Variants in LYPLAL1 observed in about 807,000 individuals in gnomAD.
The protein encoded by LYPLAL1 is lysophospholipase like 1.
In LYPLAL1, 23 loss-of-function variants were observed where a neutral mutation model predicts 19.7. That is an observed-to-expected ratio of 1.17 (90% confidence interval 0.84 to 1.65). The LOEUF is 1.65. Ranked by LOEUF, LYPLAL1 falls within the 40% of genes most tolerant of loss-of-function variation. The probability of loss-of-function intolerance (pLI) is 0.00; values close to 1 mark genes in which losing one functional copy is unlikely to be tolerated. For missense variants in LYPLAL1, 355 were observed against 279.4 expected (o/e 1.27, Z -1.93); for synonymous variants, 119 against 96.3 (o/e 1.24, Z -1.38).
chr1:219,208,459 A>G (rs1658745895), intron 3 of LYPLAL1, among the ~76,000 whole-genome samples: 1 of 152,008 alleles, frequency 6.6e-6, no homozygotes, highest in African/African-American at 2.4e-5. Flanking sequence ...AGCTTAAGAG[A>G]TATTTGTAAA....
the LYPLAL1 span, among the ~76,000 whole-genome samples, chr1:219,445,410 G>C: frequency 1.8e-4 from 19 of 105,580 alleles, 1 homozygote; most frequent in East Asian, 5.2e-3. Context: ...ATTCAAATTG[G>C]GGGGGGGGCG....
the LYPLAL1 span, among the ~76,000 whole-genome samples, chr1:219,280,516 A>G: frequency 2.0e-5 from 3 of 152,104 alleles, no homozygotes; most frequent in African/African-American, 7.2e-5. Flanking sequence ...GATAATGTCT[A>G]ATTTTTTCAC....
At chr1:219,308,316 T>C in the LYPLAL1 span, among the ~76,000 whole-genome samples, 1 of 152,128 alleles carries the variant, frequency 6.6e-6, no homozygotes, top group Non-Finnish European at 1.5e-5. Context: ...TTTGGAAAAT[T>C]TGCAGCCTGA....
At chr1:219,401,756 C>T in the LYPLAL1 span, among the ~76,000 whole-genome samples, 2 of 152,054 alleles carry the variant, frequency 1.3e-5, no homozygotes, top group African/African-American at 4.8e-5. Flanking sequence ...TAACATGTAG[C>T]TCTGGTATAC....
At chr1:219,396,260 T>G in the LYPLAL1 span, among the ~76,000 whole-genome samples, 1 of 152,216 alleles carries the variant, frequency 6.6e-6, no homozygotes, top group East Asian at 1.9e-4. Flanking sequence ...GTGGCCTTAT[T>G]TCTGGGCTCT....
intron 2 of LYPLAL1, among the ~76,000 whole-genome samples, chr1:219,188,429 G>A (rs1177591667): frequency 6.6e-6 from 1 of 151,662 alleles, no homozygotes; most frequent in Non-Finnish European, 1.5e-5. Context: ...ATGTTGCAAA[G>A]AGCCCTCTAA....
At chr1:219,330,387 C>T in the LYPLAL1 span, among the ~76,000 whole-genome samples, 2 of 152,134 alleles carry the variant, frequency 1.3e-5, no homozygotes, top group South Asian at 4.1e-4. Context: ...ATGAAATAAT[C>T]ATCTTCTGTG....
At chr1:219,210,196 G>A (rs41307656) in intron 3 of LYPLAL1, 2,604 of 161,806 alleles carry the variant, frequency 0.016, 18 homozygotes, top group Non-Finnish European at 0.023. Flanking sequence ...TTCTGTACGT[G>A]TAAACAAAAT....
Position 219,209,459 on chromosome 1 carries a change from C to G in LYPLAL1, c.362-1073C>G, listed in dbSNP as rs140740172. On this transcript the variant is annotated intron_variant, in intron 3 of 4. Coordinates refer to ENST00000366928, the MANE Select transcript of LYPLAL1 (RefSeq NM_138794.5). ...GTTTTATATTTAAAATAATATGTAC[C>G]TAATCTTGGGCCTCAGTTCCCTCCA... 7.6e-3 allele frequency among the ~76,000 whole-genome samples: 1,155 copies of G among 152,062 alleles called. 4 individuals are homozygous for G. Among genetic ancestry groups the G allele is most frequent in the South Asian group, 0.023 (111 of 4,818 alleles).
the LYPLAL1 span, among the ~76,000 whole-genome samples, chr1:219,349,162 A>G: frequency 6.6e-6 from 1 of 152,216 alleles, no homozygotes; most frequent in African/African-American, 2.4e-5. Flanking sequence ...TGGACTGACT[A>G]CATACAAATA....
chr1:219,414,600 A>G, the LYPLAL1 span, among the ~76,000 whole-genome samples: 1 of 152,140 alleles, frequency 6.6e-6, no homozygotes, highest in Non-Finnish European at 1.5e-5. Flanking sequence ...CTCTTTTGGA[A>G]CTACATTACC....
At chr1:219,306,778 A>ATAGATAGG in the LYPLAL1 span, among the ~76,000 whole-genome samples, 2 of 151,320 alleles carry the variant, frequency 1.3e-5, no homozygotes, top group African/African-American at 2.4e-5. Context: ...AGATAGATAG[A>ATAGATAGG]TAGATAGATA....
intron 3 of LYPLAL1, 64 bp from the exon 4 acceptor site, chr1:219,210,468 T>C: frequency 9.1e-7 from 1 of 1,096,048 alleles, no homozygotes. Flanking sequence ...TGGAAAATTG[T>C]TATATATCAT....
the LYPLAL1 span, among the ~76,000 whole-genome samples, chr1:219,337,613 T>C: frequency 6.6e-6 from 1 of 152,026 alleles, no homozygotes; most frequent in African/African-American, 2.4e-5. Context: ...GGCTGTTCCA[T>C]TTCTGTTCTG....
chr1:219,392,632 A>C, the LYPLAL1 span, among the ~76,000 whole-genome samples: 30 of 152,176 alleles, frequency 2.0e-4, no homozygotes, highest in African/African-American at 6.8e-4. Context: ...CTCCAAAATA[A>C]GGCTTTATGA....
chr1:219,342,459 A>G, the LYPLAL1 span, among the ~76,000 whole-genome samples: 14 of 152,226 alleles, frequency 9.2e-5, no homozygotes, highest in African/African-American at 3.4e-4. Context: ...AGGAACCTGC[A>G]CAAGGAAGTG....
chr1:219,360,257 C>A, the LYPLAL1 span, among the ~76,000 whole-genome samples: 2 of 152,190 alleles, frequency 1.3e-5, no homozygotes, highest in African/African-American at 4.8e-5. Context: ...TAGCATGGAA[C>A]TGGATGCCTT....
chr1:219,404,887 C>T, the LYPLAL1 span, among the ~76,000 whole-genome samples: 227 of 152,318 alleles, frequency 1.5e-3, 1 homozygote, highest in African/African-American at 5.1e-3. Context: ...TCATCTTTGA[C>T]ACCACGTCCT....
chr1:219,421,140 A>G, the LYPLAL1 span, among the ~76,000 whole-genome samples: 11 of 152,314 alleles, frequency 7.2e-5, no homozygotes, highest in African/African-American at 2.2e-4. Flanking sequence ...ATATTTCACA[A>G]CTTTGGTGAA....
Sources: gnomAD v4.1 joint callset for allele counts (sites outside exome capture counted in the v4.1 genomes callset) on GRCh38, gnomAD v4.1.1 for gene constraint, MANE v1.5 for transcripts, NCBI Gene and HGNC (gene_info 2026-07-23, HGNC 2026-07-21) for gene names.